VAV3: variants seen among roughly 807,000 people sequenced by gnomAD.
VAV3 encodes guanine nucleotide exchange factor VAV3.
Under a neutral mutation model 131.2 loss-of-function variants are expected in VAV3, and 94 were observed. The ratio of observed to expected loss-of-function variants is 0.72; its 90% CI spans 0.61 to 0.85. VAV3 has a LOEUF of 0.85. Among genes scored for constraint, VAV3 ranks in the 40% least tolerant of loss-of-function variants. The pLI is 0.00. For synonymous variants in VAV3, 349 were observed against 342.0 expected (o/e 1.02, Z -0.22); for missense variants, 939 against 1,002.7 (o/e 0.94, Z 0.86).
chr1:107,615,196 C>T (rs1396716748), intron 21 of VAV3, among the ~76,000 whole-genome samples: 1 of 152,044 alleles, frequency 6.6e-6, no homozygotes, highest in Non-Finnish European at 1.5e-5. Flanking sequence ...TTTGACAAAG[C>T]TGACAAAAAC....
In VAV3 at chr1:107,785,585, G is replaced by A. The variant is rs562986234; in HGVS notation, c.322-6093C>T. 5 of 1,181,734 alleles carry A rather than the reference G, an allele frequency of 4.2e-6. No homozygotes were observed. The East Asian group carries it at 3.3e-4, about 79-fold the overall frequency. The allele number at this position is 1,181,734 out of a possible 1,614,324, so 73.2% of individuals were successfully genotyped here. A position where few individuals can be genotyped will look rare whatever the true frequency, so the allele number is the denominator to read the frequency against. ...TACAACATTAGGTTGCTATCTAGCA[G>A]CAGAGGCTCAAGGCACAGATGTTGC... is the stretch of plus-strand genomic sequence containing the variant. On this transcript the variant is annotated intron_variant, in intron 2 of 26. Coordinates refer to ENST00000370056, the MANE Select transcript of VAV3 (RefSeq NM_006113.5).
At chr1:107,744,949 C>G (rs547194306) in intron 15 of VAV3, among the ~76,000 whole-genome samples, 1 of 152,246 alleles carries the variant, frequency 6.6e-6, no homozygotes, top group Admixed American at 6.5e-5. Context: ...GTTTCCTGAG[C>G]TACAAAACGG....
intron 2 of VAV3, among the ~76,000 whole-genome samples, chr1:107,797,892 T>C (rs1432684002): frequency 6.6e-6 from 1 of 152,180 alleles, no homozygotes; most frequent in East Asian, 1.9e-4. Context: ...ATTTTCCAAC[T>C]CAGTAGGGAC....
intron 19 of VAV3, among the ~76,000 whole-genome samples, chr1:107,671,075 T>C (rs546824763): frequency 6.6e-6 from 1 of 152,226 alleles, no homozygotes; most frequent in Non-Finnish European, 1.5e-5. Context: ...AAAGCTATAA[T>C]GTTAGGCCTA....
At chr1:107,684,697 G>A (rs1331767217) in intron 18 of VAV3, among the ~76,000 whole-genome samples, 1 of 152,196 alleles carries the variant, frequency 6.6e-6, no homozygotes, top group African/African-American at 2.4e-5. Context: ...GCTATGTTGA[G>A]CAAGATGGAT....
chr1:107,846,401 A>G (rs576909230), intron 2 of VAV3, among the ~76,000 whole-genome samples: 1 of 152,328 alleles, frequency 6.6e-6, no homozygotes, highest in African/African-American at 2.4e-5. Flanking sequence ...ACAGGATCAA[A>G]TTTACACATA....
chr1:107,779,644 G>T, intron 2 of VAV3, 152 bp from the exon 3 acceptor site: 1 of 439,804 alleles, frequency 2.3e-6, no homozygotes, highest in Middle Eastern at 5.1e-4. Context: ...GCTGTGATTG[G>T]GAAGTATAAA....
At chr1:107,704,872 C>G in intron 16 of VAV3, 88 bp downstream of exon 16, 1 of 1,347,962 alleles carries the variant, frequency 7.4e-7, no homozygotes, top group Non-Finnish European at 1.0e-6. Flanking sequence ...CACTTTAGAA[C>G]CTATTGGCTA....
intron 1 of VAV3, among the ~76,000 whole-genome samples, chr1:107,954,771 G>C (rs1211402322): frequency 6.6e-6 from 1 of 150,432 alleles, no homozygotes; most frequent in Admixed American, 6.6e-5. Context: ...CCATGGGAGG[G>C]GGGGAAATTC....
At chr1:107,918,509 G>T (rs1672728038) in intron 1 of VAV3, among the ~76,000 whole-genome samples, 1 of 151,312 alleles carries the variant, frequency 6.6e-6, no homozygotes, top group Non-Finnish European at 1.5e-5. Context: ...GGGGCTGTGG[G>T]TAAATGATGA....
At chr1:107,655,742 C>T (rs1656502200) in intron 19 of VAV3, among the ~76,000 whole-genome samples, 1 of 152,052 alleles carries the variant, frequency 6.6e-6, no homozygotes, top group African/African-American at 2.4e-5. Flanking sequence ...ACAGAAGGTG[C>T]TCAAACAACT....
chr1:107,637,468 C>T (rs763766226), intron 20 of VAV3, among the ~76,000 whole-genome samples: 10 of 151,916 alleles, frequency 6.6e-5, no homozygotes, highest in South Asian at 2.1e-4. Flanking sequence ...ACTAAAAGTA[C>T]AAAAATTAGC....
chr1:107,801,691 A>T (rs1303956422), intron 2 of VAV3, among the ~76,000 whole-genome samples: 1 of 152,096 alleles, frequency 6.6e-6, no homozygotes, highest in Non-Finnish European at 1.5e-5. Flanking sequence ...GCTGTATATC[A>T]CTTTACTTCT....
At chr1:107,642,899 A>G (rs1655455997) in intron 19 of VAV3, 144 bp from the exon 20 acceptor site, 5 of 1,142,818 alleles carry the variant, frequency 4.4e-6, no homozygotes, top group Non-Finnish European at 6.0e-6. Context: ...ACTATAATAG[A>G]ATGATTTTCA....
chr1:107,914,767 T>C (rs939938020), intron 1 of VAV3, among the ~76,000 whole-genome samples: 3 of 152,180 alleles, frequency 2.0e-5, no homozygotes, highest in African/African-American at 4.8e-5. Flanking sequence ...CATGGTCCTA[T>C]AGCCAGCACT....
chr1:107,699,300 T>C lies in VAV3; in HGVS notation c.1705+5250A>G, dbSNP rs187354555. On this transcript the variant is annotated intron_variant, in intron 17 of 26. Transcript: ENST00000370056. ...CAAAACAAAGGGCCTACAGGCCCCA[T>C]GCAAGTCTGAAATCCAGCAGGGCAG... is the stretch of plus-strand genomic sequence containing the variant. Among the ~76,000 whole-genome samples, 10 of 152,358 alleles carry C rather than the reference T, an allele frequency of 6.6e-5. No homozygotes were observed. In the East Asian group the frequency reaches 1.9e-3, roughly 29 times the overall value.
chr1:107,744,441 G>A (rs80268143), intron 15 of VAV3, among the ~76,000 whole-genome samples: 2,409 of 152,148 alleles, frequency 0.016, 65 homozygotes, highest in African/African-American at 0.055. Flanking sequence ...GGCCAAGGTC[G>A]GTCAGAAGAA....
intron 1 of VAV3, among the ~76,000 whole-genome samples, chr1:107,906,665 C>T (rs1033812504): frequency 1.3e-5 from 2 of 151,186 alleles, no homozygotes; most frequent in African/African-American, 4.9e-5. Flanking sequence ...GACTCCATTT[C>T]AAAAAAATTA....
intron 2 of VAV3, among the ~76,000 whole-genome samples, chr1:107,844,411 G>A (rs1668867058): frequency 6.6e-6 from 1 of 152,226 alleles, no homozygotes; most frequent in South Asian, 2.1e-4. Context: ...CAGACACTGA[G>A]TTAGCTGCAG....
Sources: allele counts gnomAD v4.1 joint callset (sites outside exome capture counted in the v4.1 genomes callset), GRCh38; gene constraint gnomAD v4.1.1; transcripts MANE v1.5; gene names NCBI Gene and HGNC (gene_info 2026-07-23, HGNC 2026-07-21).